CDH24: variants seen among roughly 807,000 people sequenced by gnomAD.
CDH24 encodes the protein cadherin 24.
Under a neutral mutation model 71.2 loss-of-function variants are expected in CDH24, and 61 were observed. That is an observed-to-expected ratio of 0.86 (90% CI 0.70 to 1.06). CDH24 has a LOEUF of 1.06. Among genes scored for constraint, CDH24 ranks in the 50% least tolerant of loss-of-function variants. The pLI, the probability that CDH24 is intolerant of heterozygous loss-of-function variation, is 0.00. For synonymous variants in CDH24, 440 were observed against 470.2 expected (o/e 0.94, Z 0.83); for missense variants, 961 against 1,083.7 (o/e 0.89, Z 1.59).
At position 23,051,346 on chromosome 14, in the gene CDH24, G is replaced by C. The variant is rs756070493; in HGVS notation, c.1363+1127C>G. 2.0e-5 allele frequency among the ~76,000 whole-genome samples: 3 copies of C among 152,154 alleles called. No individual in the cohort carries two copies. Among genetic ancestry groups the C allele is most frequent in the Non-Finnish European group, 4.4e-5 (3 of 68,042 alleles). ...AGTTACTTAACTTCTCTTTGCCTGA[G>C]TTTATTGTTTAAAAATGAGGAAATA... On this transcript the variant is annotated intron_variant, in intron 8 of 12. Transcript: ENST00000487137. This position sits in a 1 kb window ranked among gnomAD's most constrained non-coding sequence, Gnocchi z 4.4.
intron 8 of CDH24, chr14:23,052,111 T>A: frequency 7.9e-7 from 1 of 1,273,020 alleles, no homozygotes; most frequent in Non-Finnish European, 1.1e-6. Flanking sequence ...CAGGATGGGG[T>A]CTGTCAGTAC....
chr14:23,049,227 T>C lies in CDH24; in HGVS notation c.1646A>G (p.His549Arg), dbSNP rs751042082. ...TTCTATGGGAACCAAGTAGGGGGCA[T>C]GGCGGGGTGGAGCAGGGCGGGAGGG... Reference protein sequence around the residue: ...LLPSRPAPPRHAPYLVPIELW... With the variant: ...LLPSRPAPPRRAPYLVPIELW... The change falls in exon 11 of 13, where the codon CAT becomes CGT. Residue 549 changes from histidine (H) to arginine (R), a missense_variant. Transcript: ENST00000487137. The C allele has an allele frequency of 9.5e-6, 15 of 1,574,480 alleles. No homozygotes were observed. The highest frequency in any genetic ancestry group is 1.2e-5 in the South Asian group (1 of 86,480).
chr14:23,057,359 C>T lies in CDH24; in HGVS notation c.-125+44G>A, dbSNP rs1362292865. ...CGCAGGCTGCGGGCCCCCTCCTACC[C>T]CTCCGCGGATTCCCGACCCCTGCTC... is the stretch of plus-strand genomic sequence containing the variant. On this transcript the variant is annotated intron_variant, in intron 1 of 12. Transcript: ENST00000487137. The surrounding 1 kb of genome is among the most constrained non-coding windows in gnomAD (Gnocchi z 5.4). 2.0e-5 allele frequency: 3 copies of T among 151,972 alleles called. No homozygotes were observed. Among genetic ancestry groups the T allele is most frequent in the African/African-American group, 7.2e-5 (3 of 41,398 alleles). The allele number at this position is 151,972 out of a possible 1,614,324, so 9.4% of individuals were successfully genotyped here.
At position 23,055,837 on chromosome 14, in the gene CDH24, G is replaced by A. The variant is rs1215625406; in HGVS notation, c.-104C>T. The A allele has an allele frequency of 2.1e-6, 2 of 973,094 alleles. No individual in the cohort carries two copies. The highest frequency in any genetic ancestry group is 1.6e-5 in the African/African-American group (1 of 60,748). The allele number at this position is 973,094 out of a possible 1,614,324, so 60.3% of individuals were successfully genotyped here. A position where few individuals can be genotyped will look rare whatever the true frequency, so the allele number is the denominator to read the frequency against. On this transcript the variant is annotated 5_prime_UTR_variant, in exon 2 of 13. Transcript: ENST00000487137. This position sits in a 1 kb window ranked among gnomAD's most constrained non-coding sequence, Gnocchi z 4.1. ...TGGGGTGGAGGGGCAGATGCGTTGAGGCTACCCCATGGATCCACACCTGCA... is the reference window on the plus strand; with the variant it reads ...TGGGGTGGAGGGGCAGATGCGTTGAAGCTACCCCATGGATCCACACCTGCA...
In CDH24 at chr14:23,055,903, C is replaced by T; in HGVS notation, c.-124-46G>A. On this transcript the variant is annotated intron_variant, in intron 1 of 12. Coordinates refer to ENST00000487137, the MANE Select transcript of CDH24 (RefSeq NM_144985.4). This position sits in a 1 kb window ranked among gnomAD's most constrained non-coding sequence, Gnocchi z 4.1. Reference sequence around the variant, plus strand: ...CAGGCTCAAGGAAACCCCTAGCCCTCCTCCCCCGCAAAATTAGATGCTGAA... The same window carrying T: ...CAGGCTCAAGGAAACCCCTAGCCCTTCTCCCCCGCAAAATTAGATGCTGAA... The T allele has an allele frequency of 3.4e-6, 2 of 591,086 alleles. No homozygotes were observed. Among genetic ancestry groups the T allele is most frequent in the Non-Finnish European group, 5.9e-6 (2 of 337,352 alleles). The allele number at this position is 591,086 out of a possible 1,614,324, so 36.6% of individuals were successfully genotyped here.
In CDH24 at chr14:23,054,935, G is replaced by GA. The variant is rs2047115435; in HGVS notation, c.497-70_497-69insT. The GA allele has an allele frequency of 6.2e-7, 1 of 1,603,946 alleles. No homozygotes were observed. Among genetic ancestry groups the GA allele is most frequent in the Non-Finnish European group, 8.5e-7 (1 of 1,175,192 alleles). ...ATGGGGAAGAACAACCGATGGGGGG[G>GA]GATGCAGATACGAGGGAGGCTGAAT... is the stretch of plus-strand genomic sequence containing the variant. On this transcript the variant is annotated intron_variant, in intron 3 of 12. Transcript: ENST00000487137. The surrounding 1 kb of genome is among the most constrained non-coding windows in gnomAD (Gnocchi z 5.2).
chr14:23,051,895 G>T lies in CDH24; in HGVS notation c.1363+578C>A. 2.4e-6 allele frequency: 2 copies of T among 838,802 alleles called. No homozygotes were observed. The highest frequency in any genetic ancestry group is 3.7e-6 in the Non-Finnish European group (2 of 537,112). 52.0% of individuals were successfully genotyped at this position (838,802 alleles called of 1,614,324 possible). A position where few individuals can be genotyped will look rare whatever the true frequency, so the allele number is the denominator to read the frequency against. On this transcript the variant is annotated intron_variant, in intron 8 of 12. Coordinates refer to ENST00000487137, the MANE Select transcript of CDH24 (RefSeq NM_144985.4). The surrounding 1 kb of genome is among the most constrained non-coding windows in gnomAD (Gnocchi z 4.4). The stretch of plus-strand genomic sequence containing the variant: ...CTGCCCAGAGGCAGCTGAACCCGCT[G>T]CTGGCCTGACTGATGGGGGAGACCG...
chr14:23,054,913 G>A lies in CDH24; in HGVS notation c.497-47C>T, dbSNP rs374922296. On this transcript the variant is annotated intron_variant, in intron 3 of 12. Transcript: ENST00000487137. This position sits in a 1 kb window ranked among gnomAD's most constrained non-coding sequence, Gnocchi z 5.2. The stretch of plus-strand genomic sequence containing the variant: ...CATTCAGCAGCAGCAGGGAAGGATG[G>A]GGAAGAACAACCGATGGGGGGGGAT... 210 of 1,596,284 alleles carry A rather than the reference G, an allele frequency of 1.3e-4. No individual in the cohort carries two copies. In the African/African-American group the frequency reaches 2.2e-3, roughly 17 times the overall value.
chr14:23,056,669 G>C (rs74036905), intron 1 of CDH24, among the ~76,000 whole-genome samples: 18,688 of 152,228 alleles, frequency 0.12, 1,483 homozygotes, highest in African/African-American at 0.22. Context: ...ACGGGTCACC[G>C]GGGGCAGTTC....
chr14:23,052,054 C>T (rs1311128968), intron 8 of CDH24: 2 of 1,574,474 alleles, frequency 1.3e-6, no homozygotes, highest in Non-Finnish European at 1.7e-6. Context: ...AGAAGAGGTA[C>T]CCAGCCCCTT....
chr14:23,053,280 AC>A (rs917718154), intron 7 of CDH24, among the ~76,000 whole-genome samples: 14 of 152,268 alleles, frequency 9.2e-5, no homozygotes, highest in Admixed American at 3.3e-4. Flanking sequence ...ACCATCATCT[AC>A]CCAGAGGGGT....
In CDH24 at chr14:23,054,155, G is replaced by A; in HGVS notation, c.958C>T (p.Leu320Phe). The A allele has an allele frequency of 1.9e-6, 3 of 1,600,394 alleles. No homozygotes were observed. Among genetic ancestry groups the A allele is most frequent in the Non-Finnish European group, 2.6e-6 (3 of 1,172,054 alleles). ...AGGAGGCTAACCTTGCGGACAGTGAGGAGCCCGTCTCGACCCTGCAAGTCT... is the reference window on the plus strand; with the variant it reads ...AGGAGGCTAACCTTGCGGACAGTGAAGAGCCCGTCTCGACCCTGCAAGTCT... ...STDLQGRDGL[L>F]TVRKPLDFES... Residue 320 changes from leucine to phenylalanine, a missense_variant, in exon 6 of 13, where the codon CTC becomes TTC. Around this residue, in one of 2 missense-constraint regions of CDH24, gnomAD observed 671 missense variants for 810.9 expected, o/e 0.83. Transcript: ENST00000487137. The surrounding 1 kb of genome is among the most constrained non-coding windows in gnomAD (Gnocchi z 5.2).
Position 23,055,469 on chromosome 14 carries a change from T to C in CDH24, c.201+64A>G. On this transcript the variant is annotated intron_variant, in intron 2 of 12. Coordinates refer to ENST00000487137, the MANE Select transcript of CDH24 (RefSeq NM_144985.4). The surrounding 1 kb of genome is among the most constrained non-coding windows in gnomAD (Gnocchi z 4.1). ...GGGACCAAGGTCATTGCAGAAGTGA[T>C]GAAGTTGCAGGGCAGGGCCTGAGGG... 6.3e-7 allele frequency: 1 copy of C among 1,596,560 alleles called. No homozygotes were observed. Among genetic ancestry groups the C allele is most frequent in the Non-Finnish European group, 8.6e-7 (1 of 1,169,040 alleles).
In CDH24 at chr14:23,055,798, GC is replaced by G; in HGVS notation, c.-66del. ...TGCTGAGGCTGGGCCAGGCCACGTGGCCCATGAGCTGGCTGGGGTGGAGGGG... is the reference window on the plus strand; with the variant it reads ...TGCTGAGGCTGGGCCAGGCCACGTGGCCATGAGCTGGCTGGGGTGGAGGGG... On this transcript the variant is annotated 5_prime_UTR_variant, in exon 2 of 13. The change abolishes the stop of an existing upstream ORF in the 5' untranslated region. Transcript: ENST00000487137. The surrounding 1 kb of genome is among the most constrained non-coding windows in gnomAD (Gnocchi z 4.1). The G allele has an allele frequency of 7.2e-7, 1 of 1,394,212 alleles. No individual in the cohort carries two copies. Among genetic ancestry groups the G allele is most frequent in the Non-Finnish European group, 9.6e-7 (1 of 1,046,766 alleles). 86.4% of individuals were successfully genotyped at this position (1,394,212 alleles called of 1,614,324 possible).
chr14:23,049,576 AG>A, intron 10 of CDH24, 50 bp downstream of exon 10: 53 of 1,099,558 alleles, frequency 4.8e-5, no homozygotes, highest in South Asian at 6.0e-5. Flanking sequence ...GTGGAGGAGG[AG>A]GAGAAGGGGA....
At position 23,055,952 on chromosome 14, in the gene CDH24, C is replaced by T. The variant is rs1360590291; in HGVS notation, c.-124-95G>A. The T allele has an allele frequency of 5.4e-6, 3 of 555,694 alleles. No individual in the cohort carries two copies. The highest frequency in any genetic ancestry group is 9.6e-6 in the Non-Finnish European group (3 of 311,426). The allele number at this position is 555,694 out of a possible 1,614,324, so 34.4% of individuals were successfully genotyped here. A position where few individuals can be genotyped will look rare whatever the true frequency, so the allele number is the denominator to read the frequency against. ...AAGACCAGACCTCCAAGGAACCAGA[C>T]ACTCCACTGCCCAGAACTCAGACTA... On this transcript the variant is annotated intron_variant, in intron 1 of 12. Coordinates refer to ENST00000487137, the MANE Select transcript of CDH24 (RefSeq NM_144985.4). This position sits in a 1 kb window ranked among gnomAD's most constrained non-coding sequence, Gnocchi z 4.1.
At position 23,053,501 on chromosome 14, in the gene CDH24, T is replaced by G. The variant is rs2047099270; in HGVS notation, c.1221A>C (p.Pro407=). The G allele has an allele frequency of 6.4e-7, 1 of 1,572,462 alleles. No homozygotes were observed. The highest frequency in any genetic ancestry group is 8.7e-7 in the Non-Finnish European group (1 of 1,152,008). Residue 407 remains proline (P), a synonymous_variant, in exon 7 of 13, where the codon CCA becomes CCC. Transcript: ENST00000487137. ...CCACATCCCAGCTCACCTACCTGAT[T>G]GGGCTGGCAGGGGAGTCCAGGTCAG... ...SAADLDSPAS[P]IRYSILPHSD...
intron 11 of CDH24, among the ~76,000 whole-genome samples, 188 bp from the exon 12 acceptor site, chr14:23,048,667 T>C (rs1008819547): frequency 3.9e-5 from 6 of 152,206 alleles, no homozygotes; most frequent in African/African-American, 1.4e-4. Flanking sequence ...TTGCTAGACT[T>C]CTCTGAAGCC....
chr14:23,048,140 C>CTG lies in CDH24; in HGVS notation c.2185_2186insCA (p.Gly729AlafsTer75). ...GCAAGAGGAGCCGCGGCCCTCGTAG[C>CTG]CGTACACCTGCACCGAGTCGTACGG... On this transcript the variant is annotated frameshift_variant, in exon 12 of 13. Transcript: ENST00000487137. LOFTEE classifies it high-confidence loss of function. 7.2e-7 allele frequency: 1 copy of CTG among 1,394,712 alleles called. No individual in the cohort carries two copies. Among genetic ancestry groups the CTG allele is most frequent in the Admixed American group, 3.4e-5 (1 of 29,594 alleles). 86.4% of individuals were successfully genotyped at this position (1,394,712 alleles called of 1,614,324 possible).
Sources: allele counts gnomAD v4.1 joint callset (sites outside exome capture counted in the v4.1 genomes callset), GRCh38; gene constraint gnomAD v4.1.1; regional missense constraint gnomAD v4.1.1; non-coding constraint Gnocchi (gnomAD v3.1); transcripts MANE v1.5; gene names NCBI Gene and HGNC (gene_info 2026-07-23, HGNC 2026-07-21).